The following ZFPM2 variants were observed in gnomAD, a reference collection of about 807,000 sequenced individuals.
ZFPM2 encodes the protein zinc finger protein, FOG family member 2.
Under a neutral mutation model 98.6 loss-of-function variants are expected in ZFPM2, and 20 were observed. The observed-to-expected ratio is 0.20, with a 90% confidence interval of 0.14 to 0.29. The LOEUF is 0.29. ZFPM2 is among the 10% of genes least tolerant of loss of function. The probability of loss-of-function intolerance (pLI) is 1.00; values close to 1 mark genes in which losing one functional copy is unlikely to be tolerated. For synonymous variants in ZFPM2, 518 were observed against 502.7 expected, an observed-to-expected ratio of 1.03 and a Z score of -0.41; for missense variants, 1,310 against 1,388.6, an observed-to-expected ratio of 0.94 and a Z score of 0.90.
intron 2 of ZFPM2, among the ~76,000 whole-genome samples, chr8:105,428,236 CACTT>C (rs745818423): frequency 2.0e-5 from 3 of 152,132 alleles, no homozygotes; most frequent in South Asian, 4.1e-4. Flanking sequence ...TTCTAATAAA[CACTT>C]ACTGTACACG....
At chr8:105,679,810 A>AG (rs964639188) in intron 5 of ZFPM2, among the ~76,000 whole-genome samples, 29 of 151,984 alleles carry the variant, frequency 1.9e-4, no homozygotes, top group African/African-American at 7.0e-4. Flanking sequence ...AAAAAAAAAA[A>AG]AAAGAAAGCA....
intron 4 of ZFPM2, among the ~76,000 whole-genome samples, chr8:105,583,697 A>C (rs1365037026): frequency 1.3e-5 from 2 of 152,202 alleles, no homozygotes; most frequent in African/African-American, 4.8e-5. Flanking sequence ...GAAGATTAGC[A>C]CACTTCTTTT....
intron 5 of ZFPM2, among the ~76,000 whole-genome samples, chr8:105,716,559 C>T (rs769801491): frequency 1.3e-5 from 2 of 151,986 alleles, no homozygotes; most frequent in Non-Finnish European, 2.9e-5. Flanking sequence ...CACAGTGCCA[C>T]TTGAATGTTT....
chr8:105,791,889 T>TAGTA (rs1813623188), intron 6 of ZFPM2, among the ~76,000 whole-genome samples: 1 of 152,248 alleles, frequency 6.6e-6, no homozygotes, highest in African/African-American at 2.4e-5. Context: ...GAGGTGTTTG[T>TAGTA]AGTATTCTCT....
chr8:105,431,411 C>T (rs1317771754), intron 2 of ZFPM2, among the ~76,000 whole-genome samples: 1 of 152,140 alleles, frequency 6.6e-6, no homozygotes, highest in Non-Finnish European at 1.5e-5. Flanking sequence ...AACATTCATG[C>T]GTTAGCTAAT....
At chr8:105,582,512 G>A (rs1815623574) in intron 4 of ZFPM2, among the ~76,000 whole-genome samples, 1 of 152,196 alleles carries the variant, frequency 6.6e-6, no homozygotes, top group South Asian at 2.1e-4. Context: ...TGGCCCCAAA[G>A]CTTAATAGTG....
At chr8:105,746,284 A>T (rs1355115308) in intron 5 of ZFPM2, among the ~76,000 whole-genome samples, 1 of 151,986 alleles carries the variant, frequency 6.6e-6, no homozygotes, top group Non-Finnish European at 1.5e-5. Context: ...AGCTCCTTTT[A>T]AAACAACACT....
chr8:105,666,751 A>G (rs905887191), intron 5 of ZFPM2, among the ~76,000 whole-genome samples: 4 of 152,154 alleles, frequency 2.6e-5, no homozygotes, highest in Non-Finnish European at 5.9e-5. Context: ...GTTAACATGA[A>G]TCAAGGCAGT....
intron 2 of ZFPM2, among the ~76,000 whole-genome samples, chr8:105,436,512 CAA>C (rs11295878): frequency 3.6e-3 from 361 of 100,492 alleles, no homozygotes; most frequent in African/African-American, 8.5e-3. Flanking sequence ...AACTCCGTCT[CAA>C]AAAAAAAAAA....
At chr8:105,759,009 G>A (rs1812674827) in intron 5 of ZFPM2, among the ~76,000 whole-genome samples, 1 of 152,038 alleles carries the variant, frequency 6.6e-6, no homozygotes, top group South Asian at 2.1e-4. Context: ...AGTTTAGGTA[G>A]GTGGAGTTAT....
intron 1 of ZFPM2, among the ~76,000 whole-genome samples, chr8:105,362,942 G>A (rs1810436047): frequency 6.6e-6 from 1 of 152,152 alleles, no homozygotes; most frequent in South Asian, 2.1e-4. Flanking sequence ...TCCTAAGGTA[G>A]CCGGCTGTGT....
At chr8:105,470,717 G>T (rs1812886756) in intron 3 of ZFPM2, among the ~76,000 whole-genome samples, 1 of 152,020 alleles carries the variant, frequency 6.6e-6, no homozygotes. Flanking sequence ...GGTGGAGGTT[G>T]CAGTGAGCCA....
intron 1 of ZFPM2, among the ~76,000 whole-genome samples, chr8:105,346,071 A>G (rs770415525): frequency 2.6e-5 from 4 of 152,172 alleles, no homozygotes; most frequent in Non-Finnish European, 5.9e-5. Context: ...TGGCATAGAC[A>G]TTGAAGTAGA....
intron 3 of ZFPM2, among the ~76,000 whole-genome samples, chr8:105,489,623 C>G (rs1813318354): frequency 6.6e-6 from 1 of 151,284 alleles, no homozygotes; most frequent in African/African-American, 2.4e-5. Flanking sequence ...GCCACCATGC[C>G]TGGCTAATTT....
intron 5 of ZFPM2, among the ~76,000 whole-genome samples, chr8:105,778,911 T>A (rs1813175473): frequency 6.7e-6 from 1 of 149,218 alleles, no homozygotes; most frequent in Non-Finnish European, 1.5e-5. Flanking sequence ...TTTTTTTTTT[T>A]ACGCATACGT....
intron 3 of ZFPM2, among the ~76,000 whole-genome samples, chr8:105,547,089 T>A (rs1814724120): frequency 6.6e-6 from 1 of 152,178 alleles, no homozygotes; most frequent in Non-Finnish European, 1.5e-5. Context: ...AGTAAGGTGC[T>A]CAAGCCTGTG....
intron 5 of ZFPM2, among the ~76,000 whole-genome samples, chr8:105,738,047 G>A (rs146976284): frequency 1.2e-4 from 18 of 151,986 alleles, no homozygotes; most frequent in African/African-American, 4.3e-4. Context: ...AAGTTCAGGG[G>A]TACATGTGCA....
At position 105,801,437 on chromosome 8, in the gene ZFPM2, A is replaced by G. The variant is rs748917544; in HGVS notation, c.1355A>G (p.Gln452Arg). ...EKKTQLFLTN[Q>R]RPEIQPTTNK... Reference sequence around the variant, plus strand: ...AAGACTCAGCTCTTTCTCACGAACCAGAGACCAGAGATACAGCCTACAACA... The same window carrying G: ...AAGACTCAGCTCTTTCTCACGAACCGGAGACCAGAGATACAGCCTACAACA... Residue 452 changes from glutamine to arginine, a missense_variant, in exon 8 of 8, where the codon CAG (glutamine) becomes CGG (arginine). By Grantham distance (43) the Gln-to-Arg change is conservative. Transcript: ENST00000407775. 2 of 1,613,950 alleles carry G rather than the reference A, an allele frequency of 1.2e-6. No homozygotes were observed. Among genetic ancestry groups the G allele is most frequent in the Non-Finnish European group, 1.7e-6 (2 of 1,179,878 alleles).
At chr8:105,651,486 A>G (rs926133089) in intron 5 of ZFPM2, among the ~76,000 whole-genome samples, 11 of 147,888 alleles carry the variant, frequency 7.4e-5, no homozygotes, top group African/African-American at 2.7e-4. Flanking sequence ...AAAAAATCCC[A>G]CCTGTCCCTT....
Sources: gnomAD v4.1 joint callset for allele counts (sites outside exome capture counted in the v4.1 genomes callset) on GRCh38, gnomAD v4.1.1 for gene constraint, MANE v1.5 for transcripts, NCBI Gene and HGNC (gene_info 2026-07-23, HGNC 2026-07-21) for gene names.